The following IGFN1 variants were observed in gnomAD, a reference collection of about 807,000 sequenced individuals.
IGFN1 encodes the protein immunoglobulin-like and fibronectin type III domain-containing protein 1.
Under a neutral mutation model 289.5 loss-of-function variants are expected in IGFN1, and 253 were observed. The ratio of observed to expected loss-of-function variants is 0.87; its 90% CI spans 0.79 to 0.97. The LOEUF is 0.97. Among genes scored for constraint, IGFN1 ranks in the 50% least tolerant of loss-of-function variants. The pLI is 0.00. For missense variants in IGFN1, 4,470 were observed against 4,686.1 expected, an observed-to-expected ratio of 0.95 and a Z score of 1.35; for synonymous variants, 1,706 against 1,788.5, an observed-to-expected ratio of 0.95 and a Z score of 1.16.
chr1:201,198,090 G>C (rs1666992157), intron 5 of IGFN1, among the ~76,000 whole-genome samples: 1 of 152,160 alleles, frequency 6.6e-6, no homozygotes, highest in Non-Finnish European at 1.5e-5. Context: ...TTCAAGGTAG[G>C]AAGGTGGAAG....
chr1:201,192,786 A>G (rs1490601710), intron 1 of IGFN1, among the ~76,000 whole-genome samples: 2 of 152,224 alleles, frequency 1.3e-5, no homozygotes, highest in African/African-American at 4.8e-5. Context: ...TTCCCATTCC[A>G]AAGCCAATGG....
intron 14 of IGFN1, 148 bp downstream of exon 14, chr1:201,215,302 C>A: frequency 1.0e-6 from 1 of 996,730 alleles, no homozygotes; most frequent in Non-Finnish European, 1.5e-6. Context: ...TTTAAAAAGC[C>A]GACTCATACC....
intron 4 of IGFN1, 118 bp from the exon 5 acceptor site, chr1:201,197,100 C>T (rs1278693753): frequency 1.3e-5 from 8 of 606,518 alleles, no homozygotes; most frequent in Non-Finnish European, 1.8e-5. Flanking sequence ...AGACTGTGAG[C>T]TCCATGAGGA....
chr1:201,193,567 T>G (rs979174566), intron 2 of IGFN1, among the ~76,000 whole-genome samples: 2 of 152,198 alleles, frequency 1.3e-5, no homozygotes, highest in Admixed American at 1.3e-4. Flanking sequence ...TTCTCCCACC[T>G]CAGCCTCCTG....
In IGFN1 at chr1:201,215,751, G is replaced by C. The variant is rs567536290; in HGVS notation, c.9208G>C (p.Ala3070Pro). ...CTACACGCGGCTGTGCCTCCCCAGC[G>C]CAGGCAGGAAGGACTGTGGCCAGTA... ...DGYTRLCLPS[A>P]GRKDCGQYSV... Residue 3070 changes from alanine (A) to proline (P), a missense_variant, in exon 15 of 24, where the codon GCA (alanine) becomes CCA (proline). By Grantham distance (27) the Ala-to-Pro change is conservative (BLOSUM62 -1). Transcript: ENST00000335211. 6.2e-7 allele frequency: 1 copy of C among 1,608,896 alleles called. No individual in the cohort carries two copies. Among genetic ancestry groups the C allele is most frequent in the East Asian group, 2.2e-5 (1 of 44,824 alleles).
chr1:201,202,157 C>A (rs1667193487), intron 9 of IGFN1, among the ~76,000 whole-genome samples: 1 of 152,128 alleles, frequency 6.6e-6, no homozygotes, highest in Non-Finnish European at 1.5e-5. Flanking sequence ...AGCTTTCTCT[C>A]CAGAGACTTC....
chr1:201,212,086 G>T lies in IGFN1; in HGVS notation c.7193G>T (p.Gly2398Val). ...HRSGYWVASE[G>V]DTNSKDGPER... Reference sequence around the variant, plus strand: ...TCAGGATATTGGGTAGCATCAGAGGGTGACACGAACTCCAAGGATGGTCCA... The same window carrying T: ...TCAGGATATTGGGTAGCATCAGAGGTTGACACGAACTCCAAGGATGGTCCA... The change falls in exon 12 of 24, where the codon GGT (glycine) becomes GTT (valine). Residue 2398 changes from glycine (G) to valine (V), a missense_variant. This residue lies in a region of IGFN1 where 2,218 missense variants were observed against 2,114.1 expected (regional missense o/e 1.05). Transcript: ENST00000335211. The T allele has an allele frequency of 3.9e-6, 6 of 1,536,420 alleles. No homozygotes were observed. The highest frequency in any genetic ancestry group is 5.2e-6 in the Non-Finnish European group (6 of 1,146,766).
At chr1:201,222,656 C>T in intron 19 of IGFN1, 83 bp from the exon 20 acceptor site, 1 of 911,128 alleles carries the variant, frequency 1.1e-6, no homozygotes, top group African/African-American at 1.6e-5. Flanking sequence ...GTCTTCCCCT[C>T]CAGCCCTACC....
At chr1:201,225,045 C>T (rs891858097) in intron 21 of IGFN1, among the ~76,000 whole-genome samples, 171 bp downstream of exon 21, 2 of 152,226 alleles carry the variant, frequency 1.3e-5, no homozygotes, top group Admixed American at 6.5e-5. Context: ...GAAAGGACCC[C>T]AGAAGATCCC....
chr1:201,196,431 A>G (rs918359033), intron 4 of IGFN1, among the ~76,000 whole-genome samples: 1 of 152,086 alleles, frequency 6.6e-6, no homozygotes, highest in South Asian at 2.1e-4. Flanking sequence ...TGCAACCTCC[A>G]CCTCCCAGGT....
chr1:201,224,922 C>G, intron 21 of IGFN1, 48 bp downstream of exon 21: 1 of 1,459,774 alleles, frequency 6.9e-7, no homozygotes, highest in South Asian at 1.3e-5. Flanking sequence ...CGGCCACTCA[C>G]CAAGGCAAAG....
At position 201,200,121 on chromosome 1, in the gene IGFN1, G is replaced by A. The variant is rs571577508; in HGVS notation, c.459-116G>A. On this transcript the variant is annotated intron_variant, in intron 7 of 23. Transcript: ENST00000335211. ...CAGTCCCAGAGATTCCAGGCTCTGC[G>A]TTTCCTCGAGTGCAGATAGAGCAGC... 3.9e-5 allele frequency: 31 copies of A among 788,958 alleles called. 1 individual carries two copies. Among genetic ancestry groups the A allele is most frequent in the South Asian group, 2.6e-4 (14 of 54,538 alleles). The allele number at this position is 788,958 out of a possible 1,614,324, so 48.9% of individuals were successfully genotyped here.
At chr1:201,205,742 T>A (rs4638158) in intron 11 of IGFN1, among the ~76,000 whole-genome samples, 85,633 of 152,178 alleles carry the variant, frequency 0.56, 24,669 homozygotes, top group East Asian at 0.65. Context: ...GGCAGGTGGT[T>A]GAGCAAGTCG....
At chr1:201,203,355 G>A (rs1667244451) in intron 9 of IGFN1, among the ~76,000 whole-genome samples, 6 of 152,222 alleles carry the variant, frequency 3.9e-5, no homozygotes, top group Admixed American at 3.9e-4. Context: ...TCCTGTTGGT[G>A]AATAAGTTGA....
At chr1:201,217,676 ATACAGGACAGAGCCCACCTCCTCCTC>A (rs1031890665) in intron 17 of IGFN1, among the ~76,000 whole-genome samples, 12 of 152,228 alleles carry the variant, frequency 7.9e-5, no homozygotes, top group African/African-American at 1.9e-4. Context: ...CTCCTACAGT[ATACAGGACAGAGCCCACCTCCTCCTC>A]TACAGGACAG....
At chr1:201,195,074 C>T (rs992010020) in intron 3 of IGFN1, among the ~76,000 whole-genome samples, 3 of 151,982 alleles carry the variant, frequency 2.0e-5, no homozygotes, top group Admixed American at 6.5e-5. Context: ...CTTCGGGCAC[C>T]AAATAGTCAC....
rs776515809 is a variant in IGFN1 at position 201,208,766 on chromosome 1, T to A, written c.3873T>A (p.Asp1291Glu). 1.6e-5 allele frequency: 24 copies of A among 1,536,396 alleles called. 1 individual carries two copies. The South Asian group carries it at 2.9e-4, about 18-fold the overall frequency. Residue 1291 changes from aspartate to glutamate, a missense_variant, in exon 12 of 24, where the codon GAT becomes GAA. Physicochemically the swap from Asp to Glu is conservative, Grantham distance 45 (BLOSUM62 2). Transcript: ENST00000335211. ...GSVDKEGYKKDLGAPENMGSG... is the reference protein window; with the variant it reads ...GSVDKEGYKKELGAPENMGSG... ...TGGATAAGGAAGGTTATAAGAAAGA[T>A]TTGGGGGCTCCTGAGAATATGGGTT... is the stretch of plus-strand genomic sequence containing the variant.
In IGFN1 at chr1:201,211,382, T is replaced by C. The variant is rs1456900148; in HGVS notation, c.6489T>C (p.Gly2163=). ...AGAGTAAGGCAGGTTTTAGGGATGGTTTAGGGAGTTCTGGGGAAATGGGGT... is the reference window on the plus strand; with the variant it reads ...AGAGTAAGGCAGGTTTTAGGGATGGCTTAGGGAGTTCTGGGGAAATGGGGT... ...GSESKAGFRD[G]LGSSGEMGSM... Residue 2163 remains glycine (G), a synonymous_variant, in exon 12 of 24, where the codon GGT becomes GGC. Coordinates refer to ENST00000335211, the MANE Select transcript of IGFN1 (RefSeq NM_001164586.2). The C allele has an allele frequency of 1.5e-5, 23 of 1,490,020 alleles. No homozygotes were observed. Among genetic ancestry groups the C allele is most frequent in the Admixed American group, 1.4e-4 (7 of 48,542 alleles). The allele number at this position is 1,490,020 out of a possible 1,614,324, so 92.3% of individuals were successfully genotyped here.
intron 14 of IGFN1, 36 bp downstream of exon 14, chr1:201,215,190 G>A: frequency 6.3e-7 from 1 of 1,592,058 alleles, no homozygotes; most frequent in South Asian, 1.1e-5. Context: ...GCCCTGTCCT[G>A]TCCCACAGTC....
Sources: allele counts gnomAD v4.1 joint callset (sites outside exome capture counted in the v4.1 genomes callset), GRCh38; gene constraint gnomAD v4.1.1; regional missense constraint gnomAD v4.1.1; transcripts MANE v1.5; gene names NCBI Gene and HGNC (gene_info 2026-07-23, HGNC 2026-07-21).